Variants in CTNNA2 observed in about 807,000 individuals in gnomAD.
The protein encoded by CTNNA2 is catenin alpha 2, also known as catenin alpha-2.
CTNNA2 carries 42 observed loss-of-function variants against 101.0 expected under a neutral mutation model. The observed-to-expected ratio is 0.42, with a 90% CI of 0.32 to 0.54. The LOEUF is 0.54. Ranked by LOEUF, CTNNA2 falls within the 20% of genes least tolerant of loss-of-function variation. The pLI is 0.14. For synonymous variants in CTNNA2, 450 were observed against 456.4 expected (o/e 0.99, Z 0.18); for missense variants, 871 against 1,223.1 (o/e 0.71, Z 4.29).
chr2:79,333,951 T>C (rs1233621757), intron 3 of CTNNA2, among the ~76,000 whole-genome samples: 1 of 152,148 alleles, frequency 6.6e-6, no homozygotes, highest in Non-Finnish European at 1.5e-5. Context: ...TTATTATTTT[T>C]AATTGACACA....
chr2:79,570,513 C>T (rs528915887), intron 1 of CTNNA2, among the ~76,000 whole-genome samples: 2 of 152,038 alleles, frequency 1.3e-5, no homozygotes, highest in African/African-American at 2.4e-5. Context: ...TGAAATTTGC[C>T]GATTGTAACC....
intron 1 of CTNNA2, among the ~76,000 whole-genome samples, chr2:79,194,289 A>G (rs1208846405): frequency 6.6e-6 from 1 of 152,214 alleles, no homozygotes; most frequent in African/African-American, 2.4e-5. Flanking sequence ...GTGAGTATAC[A>G]GCAGGGTCTT....
chr2:79,905,779 G>A (rs1021189299), intron 6 of CTNNA2, among the ~76,000 whole-genome samples: 8 of 152,172 alleles, frequency 5.3e-5, no homozygotes, highest in African/African-American at 1.9e-4. Flanking sequence ...TGTCCCTGAA[G>A]TGTGTTAGGA....
At chr2:80,252,576 C>A (rs539258224) in intron 7 of CTNNA2, among the ~76,000 whole-genome samples, 1 of 152,226 alleles carries the variant, frequency 6.6e-6, no homozygotes, top group African/African-American at 2.4e-5. Context: ...TAGGTGTTTT[C>A]TAAAACAGCT....
At chr2:79,933,353 T>A (rs546980758) in intron 7 of CTNNA2, among the ~76,000 whole-genome samples, 1 of 152,348 alleles carries the variant, frequency 6.6e-6, no homozygotes, top group African/African-American at 2.4e-5. Context: ...ATTTGTATCT[T>A]CATTTTTTAA....
At chr2:80,610,286 A>G (rs1698350491) in intron 17 of CTNNA2, among the ~76,000 whole-genome samples, 1 of 150,912 alleles carries the variant, frequency 6.6e-6, no homozygotes, top group South Asian at 2.1e-4. Context: ...GCCAATGGAG[A>G]AAAAAAATGA....
intron 3 of CTNNA2, among the ~76,000 whole-genome samples, chr2:79,761,745 A>C (rs187965435): frequency 2.0e-5 from 3 of 152,288 alleles, no homozygotes; most frequent in African/African-American, 7.2e-5. Context: ...AAGGAAAGAG[A>C]CTAATTGGTT....
chr2:79,591,924 T>C (rs1353955121), intron 1 of CTNNA2, among the ~76,000 whole-genome samples: 1 of 145,896 alleles, frequency 6.9e-6, no homozygotes, highest in Non-Finnish European at 1.5e-5. Flanking sequence ...TTTTTTTTTT[T>C]TTGAAATTGA....
intron 7 of CTNNA2, among the ~76,000 whole-genome samples, chr2:80,205,907 G>C (rs1412319364): frequency 6.6e-6 from 1 of 152,168 alleles, no homozygotes; most frequent in African/African-American, 2.4e-5. Flanking sequence ...GACACTAAAA[G>C]TTTTTTAAAT....
chr2:79,958,981 C>A (rs13032014), intron 7 of CTNNA2, among the ~76,000 whole-genome samples: 50,181 of 151,960 alleles, frequency 0.33, 9,313 homozygotes, highest in Non-Finnish European at 0.4. Flanking sequence ...TTTGGCATTT[C>A]TCTCTAAATT....
At chr2:79,882,496 T>C (rs1375281208) in intron 6 of CTNNA2, among the ~76,000 whole-genome samples, 1 of 152,192 alleles carries the variant, frequency 6.6e-6, no homozygotes, top group African/African-American at 2.4e-5. Flanking sequence ...GGCAGCAGTC[T>C]GCCACAGCCG....
At position 79,437,488 on chromosome 2, in the gene CTNNA2, A is replaced by C. The variant is rs563298254; in HGVS notation, c.-135+63475A>C. Among the ~76,000 whole-genome samples the C allele has an allele frequency of 2.5e-3, 381 of 152,276 alleles. 1 individual carries two copies. Among genetic ancestry groups the C allele is most frequent in the Non-Finnish European group, 3.4e-3 (229 of 68,026 alleles). ...CAGGAAAGCCACAGTCTCTCACTCC[A>C]GTCCAGCAGTGGAAACTTGTTAGAA... On this transcript the variant is annotated intron_variant, in intron 4 of 21. Coordinates refer to the CTNNA2 transcript ENST00000466387.
intron 9 of CTNNA2, among the ~76,000 whole-genome samples, chr2:80,480,525 G>A (rs1479957054): frequency 6.6e-6 from 1 of 152,270 alleles, no homozygotes; most frequent in Middle Eastern, 3.4e-3. Context: ...TCTATGAGAT[G>A]TAAGTATCGT....
chr2:79,998,349 C>A (rs1415381376), intron 7 of CTNNA2, among the ~76,000 whole-genome samples: 1 of 152,222 alleles, frequency 6.6e-6, no homozygotes, highest in East Asian at 1.9e-4. Flanking sequence ...GGTTCATAAT[C>A]AGATAATTCT....
At chr2:79,946,111 G>A (rs7580624) in intron 7 of CTNNA2, among the ~76,000 whole-genome samples, 3 of 152,142 alleles carry the variant, frequency 2.0e-5, no homozygotes, top group African/African-American at 7.2e-5. Context: ...AGAGTGGTCA[G>A]AGCCCCCTGC....
chr2:80,588,164 C>G (rs1413762387), intron 14 of CTNNA2, among the ~76,000 whole-genome samples: 1 of 152,180 alleles, frequency 6.6e-6, no homozygotes, highest in African/African-American at 2.4e-5. Context: ...GCCAATAACT[C>G]TGTAACTCAT....
chr2:79,305,373 C>CATATATATAT (rs56285145), intron 2 of CTNNA2, among the ~76,000 whole-genome samples: 34 of 138,246 alleles, frequency 2.5e-4, no homozygotes, highest in East Asian at 1.5e-3. Context: ...TATATATACA[C>CATATATATAT]ATATATATAT....
At chr2:79,572,553 A>G (rs1458574710) in intron 1 of CTNNA2, among the ~76,000 whole-genome samples, 1 of 152,160 alleles carries the variant, frequency 6.6e-6, no homozygotes, top group African/African-American at 2.4e-5. Flanking sequence ...GGAGTTTGAG[A>G]CCAGCCTGGC....
chr2:79,259,923 A>C (rs919320657), intron 2 of CTNNA2, among the ~76,000 whole-genome samples: 93 of 152,216 alleles, frequency 6.1e-4, no homozygotes, highest in African/African-American at 2.1e-3. Context: ...GTTTGGGTGC[A>C]AGAAACTATT....
Sources: gnomAD v4.1 joint callset for allele counts (sites outside exome capture counted in the v4.1 genomes callset) on GRCh38, gnomAD v4.1.1 for gene constraint, MANE v1.5 for transcripts, NCBI Gene and HGNC (gene_info 2026-07-23, HGNC 2026-07-21) for gene names.